CCDC81: variants seen among roughly 807,000 people sequenced by gnomAD.
The protein encoded by CCDC81 is coiled-coil domain containing 81, also known as coiled-coil domain-containing protein 81.
In CCDC81, 79 loss-of-function variants were observed where a neutral mutation model predicts 83.7. The ratio of observed to expected loss-of-function variants is 0.94; its 90% CI spans 0.79 to 1.14. The LOEUF (loss-of-function observed/expected upper bound fraction) is 1.14, where lower values mean the gene tolerates loss of function less well. CCDC81 is among the 50% of genes most tolerant of loss of function. The pLI, the probability that CCDC81 is intolerant of heterozygous loss-of-function variation, is 0.00. For missense variants in CCDC81, 791 were observed against 778.1 expected, an observed-to-expected ratio of 1.02 and a Z score of -0.20; for synonymous variants, 252 against 278.1, an observed-to-expected ratio of 0.91 and a Z score of 0.93.
chr11:86,408,483 G>A (rs969428109), intron 9 of CCDC81, among the ~76,000 whole-genome samples: 2 of 151,908 alleles, frequency 1.3e-5, no homozygotes, highest in Admixed American at 6.6e-5. Context: ...ACAGGCACAC[G>A]TCACTACACC....
rs1948345658 is a variant in CCDC81, at chr11:86,392,522, A to C, written c.299-19A>C. On this transcript the variant is annotated intron_variant, in intron 3 of 14. Transcript: ENST00000445632. ...TCACCACTTTCTTTCTCCCACCCCA[A>C]CTGTCTTTTCTCCTTTAGGTGAAAT... 1.9e-6 allele frequency: 3 copies of C among 1,547,200 alleles called. No individual in the cohort carries two copies. In the South Asian group the frequency reaches 3.6e-5, roughly 19 times the overall value.
At chr11:86,382,271 A>G (rs1948186769) in intron 1 of CCDC81, among the ~76,000 whole-genome samples, 1 of 152,206 alleles carries the variant, frequency 6.6e-6, no homozygotes, top group African/African-American at 2.4e-5. Context: ...CTATAGCAAT[A>G]GTCTTGGTGA....
At chr11:86,385,997 G>A in intron 1 of CCDC81, 54 bp from the exon 2 acceptor site, 2 of 859,208 alleles carry the variant, frequency 2.3e-6, no homozygotes, top group East Asian at 5.4e-5. Flanking sequence ...CTAAGATACT[G>A]TCACATGGGT....
chr11:86,414,930 T>C, intron 12 of CCDC81, 63 bp downstream of exon 12: 1 of 1,445,286 alleles, frequency 6.9e-7, no homozygotes, highest in Non-Finnish European at 9.5e-7. Flanking sequence ...TCCTAAAATA[T>C]GTGTAAGTTG....
intron 2 of CCDC81, among the ~76,000 whole-genome samples, chr11:86,386,950 G>A (rs1265002885): frequency 6.6e-6 from 1 of 151,944 alleles, no homozygotes; most frequent in Non-Finnish European, 1.5e-5. Context: ...TTTCTTTTTT[G>A]GCTCCTGTAG....
At chr11:86,416,221 T>C (rs1212583960) in intron 13 of CCDC81, among the ~76,000 whole-genome samples, 1 of 152,234 alleles carries the variant, frequency 6.6e-6, no homozygotes, top group Non-Finnish European at 1.5e-5. Context: ...TTATCTGATA[T>C]ATTTGTAAAG....
At chr11:86,422,500 C>A in intron 14 of CCDC81, 74 bp from the exon 15 acceptor site, 1 of 1,420,516 alleles carries the variant, frequency 7.0e-7, no homozygotes, top group Non-Finnish European at 9.8e-7. Context: ...GTACCTCCTG[C>A]CATACCAGCT....
At chr11:86,396,333 G>C (rs1948408910) in intron 5 of CCDC81, among the ~76,000 whole-genome samples, 1 of 152,124 alleles carries the variant, frequency 6.6e-6, no homozygotes, top group African/African-American at 2.4e-5. Context: ...GAGAACACTG[G>C]AGTAGGAGTC....
chr11:86,405,554 T>C (rs1222457183), intron 7 of CCDC81, among the ~76,000 whole-genome samples: 1 of 152,190 alleles, frequency 6.6e-6, no homozygotes, highest in Non-Finnish European at 1.5e-5. Flanking sequence ...GTTGGACTGA[T>C]CTCATTTCTT....
At position 86,412,425 on chromosome 11, in the gene CCDC81, G is replaced by A. The variant is rs3741006; in HGVS notation, c.1257G>A (p.Ala419=). The A allele has an allele frequency of 0.37, 602,858 of 1,611,588 alleles. 115,228 individuals carry two copies. The highest frequency in any genetic ancestry group is 0.41 in the Middle Eastern group (2,479 of 6,052). ...FLFDKRPLSP[A]LNALKQEEYS... The stretch of plus-strand genomic sequence containing the variant: ...TTGACAAACGGCCACTCAGTCCTGC[G>A]CTTAATGCTCTTAAGCAAGAGGAAT... Residue 419 remains alanine, a synonymous_variant, in exon 11 of 15, where the codon GCG becomes GCA. Transcript: ENST00000445632.
chr11:86,420,509 G>A (rs1337515653), intron 14 of CCDC81, among the ~76,000 whole-genome samples: 1 of 151,998 alleles, frequency 6.6e-6, no homozygotes, highest in Non-Finnish European at 1.5e-5. Context: ...TTATATGCCT[G>A]CCCAATCCTC....
In CCDC81 at chr11:86,383,806, G is replaced by A. The variant is rs1280575673; in HGVS notation, c.80-2245G>A. Among the ~76,000 whole-genome samples the A allele has an allele frequency of 2.0e-5, 3 of 152,314 alleles. No homozygotes were observed. The East Asian group carries it at 5.8e-4, about 29-fold the overall frequency. On this transcript the variant is annotated intron_variant, in intron 1 of 14. Transcript: ENST00000445632. ...CCAAATCTATTCCGATTGGATTGCA[G>A]GGGCCTAAAGCCTCCTAAGGCAAAT...
chr11:86,412,416 C>T lies in CCDC81; in HGVS notation c.1248C>T (p.Leu416=). ...YKSFLFDKRP[L]SPALNALKQE... ...CCTTCCTATTTGACAAACGGCCACT[C>T]AGTCCTGCGCTTAATGCTCTTAAGC... Residue 416 remains leucine (L), a synonymous_variant, in exon 11 of 15, where the codon CTC becomes CTT. Transcript: ENST00000445632. The T allele has an allele frequency of 1.9e-6, 3 of 1,603,258 alleles. No individual in the cohort carries two copies. The highest frequency in any genetic ancestry group is 2.5e-6 in the Non-Finnish European group (3 of 1,176,694).
At chr11:86,410,576 G>C (rs996753123) in intron 10 of CCDC81, among the ~76,000 whole-genome samples, 1 of 152,246 alleles carries the variant, frequency 6.6e-6, no homozygotes, top group East Asian at 1.9e-4. Context: ...AGGAGAGAGC[G>C]AGCGAGCATG....
At chr11:86,377,951 A>G (rs536194664) in intron 1 of CCDC81, among the ~76,000 whole-genome samples, 6 of 130,272 alleles carry the variant, frequency 4.6e-5, no homozygotes, top group African/African-American at 1.4e-4. Context: ...GAAAGGTGTA[A>G]GGTCTGTGCC....
intron 13 of CCDC81, among the ~76,000 whole-genome samples, chr11:86,415,586 G>C (rs1948708295): frequency 6.6e-6 from 1 of 152,166 alleles, no homozygotes; most frequent in East Asian, 1.9e-4. Flanking sequence ...GTTTTCCAAA[G>C]TGGCTGTACT....
At chr11:86,377,083 C>T (rs1369195801) in intron 1 of CCDC81, among the ~76,000 whole-genome samples, 1 of 151,994 alleles carries the variant, frequency 6.6e-6, no homozygotes, top group Non-Finnish European at 1.5e-5. Flanking sequence ...TAGCAATATG[C>T]ATTTAATATT....
rs1208999301 is a variant in CCDC81 at position 86,400,681 on chromosome 11, T to C, written c.761T>C (p.Ile254Thr). The change falls in exon 7 of 15, where the codon ATC (isoleucine) becomes ACC (threonine). Residue 254 changes from isoleucine (I) to threonine (T), a missense_variant. Coordinates refer to ENST00000445632, the MANE Select transcript of CCDC81 (RefSeq NM_001156474.2). ...TCATTCATTCTTTATTCTACAGATA[T>C]CTCATCACCCAAAAGACTTCGAGAT... The part of the protein sequence containing the change: ...QSDKEEGTRD[I>T]SSPKRLRDRQ... 1.9e-6 allele frequency: 3 copies of C among 1,604,734 alleles called. No homozygotes were observed. The highest frequency in any genetic ancestry group is 3.3e-5 in the Admixed American group (2 of 59,824).
Position 86,402,060 on chromosome 11 carries a change from G to A in CCDC81, c.881+1259G>A, listed in dbSNP as rs547852918. 1.3e-4 allele frequency among the ~76,000 whole-genome samples: 19 copies of A among 149,838 alleles called. No homozygotes were observed. In the East Asian group the frequency reaches 2.0e-3, roughly 15 times the overall value. Reference sequence around the variant, plus strand: ...TGAGGCAGGAGAATGGCGTGAACCCGGGAGGTGGAGGTTGCAGTGAGCCAA... The same window carrying A: ...TGAGGCAGGAGAATGGCGTGAACCCAGGAGGTGGAGGTTGCAGTGAGCCAA... On this transcript the variant is annotated intron_variant, in intron 7 of 14. Transcript: ENST00000445632.
Sources: gnomAD v4.1 joint callset for allele counts (sites outside exome capture counted in the v4.1 genomes callset) on GRCh38, gnomAD v4.1.1 for gene constraint, MANE v1.5 for transcripts, NCBI Gene and HGNC (gene_info 2026-07-23, HGNC 2026-07-21) for gene names.